Variants in PPP3R1 observed in about 807,000 individuals in gnomAD.
The protein encoded by PPP3R1 is calcineurin subunit B type 1.
In PPP3R1, 5 loss-of-function variants were observed where a neutral mutation model predicts 22.6. That is an observed-to-expected ratio of 0.22 (90% CI 0.12 to 0.46). The LOEUF (loss-of-function observed/expected upper bound fraction) is 0.46. Among genes scored for constraint, PPP3R1 ranks in the 20% least tolerant of loss-of-function variants. The probability of loss-of-function intolerance (pLI) is 0.99; values close to 1 mark genes in which losing one functional copy is unlikely to be tolerated. For missense variants in PPP3R1, 61 were observed against 203.2 expected, an observed-to-expected ratio of 0.30 and a Z score of 4.25; for synonymous variants, 56 against 65.2, an observed-to-expected ratio of 0.86 and a Z score of 0.68.
chr2:68,244,604 T>C (rs1190081279), intron 1 of PPP3R1, among the ~76,000 whole-genome samples: 1 of 152,202 alleles, frequency 6.6e-6, no homozygotes, highest in African/African-American at 2.4e-5. Context: ...TTTTAACTTT[T>C]CTAGAGCTCA....
intron 2 of PPP3R1, among the ~76,000 whole-genome samples, chr2:68,191,287 T>C (rs951127873): frequency 6.6e-6 from 1 of 152,216 alleles, no homozygotes; most frequent in Non-Finnish European, 1.5e-5. Flanking sequence ...CTATTGCTCC[T>C]AGGCTACAAA....
At chr2:68,246,067 C>CTTTTTTTTT (rs746584723) in intron 1 of PPP3R1, among the ~76,000 whole-genome samples, 27 of 73,812 alleles carry the variant, frequency 3.7e-4, no homozygotes, top group East Asian at 8.4e-4. Context: ...TTCTTTCTTT[C>CTTTTTTTTT]TTTTTTTTTT....
intron 2 of PPP3R1, among the ~76,000 whole-genome samples, chr2:68,210,465 G>A (rs1294505819): frequency 6.6e-6 from 1 of 151,980 alleles, no homozygotes; most frequent in African/African-American, 2.4e-5. Context: ...TTTATTTTAC[G>A]CAACCATAAA....
At chr2:68,209,853 C>G (rs533459738) in intron 2 of PPP3R1, among the ~76,000 whole-genome samples, 1 of 152,060 alleles carries the variant, frequency 6.6e-6, no homozygotes, top group South Asian at 2.1e-4. Flanking sequence ...CTTATTAATA[C>G]CTGAGAGTTG....
intron 2 of PPP3R1, among the ~76,000 whole-genome samples, chr2:68,203,842 G>A (rs1304998184): frequency 1.3e-5 from 2 of 152,224 alleles, no homozygotes; most frequent in African/African-American, 4.8e-5. Context: ...CTAACGGCTA[G>A]AAGGGTTTCT....
chr2:68,200,584 T>G (rs1183942094), intron 2 of PPP3R1, among the ~76,000 whole-genome samples: 1 of 152,186 alleles, frequency 6.6e-6, no homozygotes, highest in African/African-American at 2.4e-5. Flanking sequence ...AGGAGTGAGG[T>G]AAGCTGCTCG....
chr2:68,210,691 C>A (rs1308695115), intron 2 of PPP3R1, among the ~76,000 whole-genome samples: 1 of 152,020 alleles, frequency 6.6e-6, no homozygotes, highest in Non-Finnish European at 1.5e-5. Flanking sequence ...TGTTAGGAGG[C>A]TAAAAAATGA....
rs181884608 is a variant in PPP3R1, at chr2:68,247,227, G to A, written c.3+4898C>T. ...CTCGGCCTCCCAAAGTGCTTGGATT[G>A]TAGGGATGAGCCACTGTGCCTAGCC... On this transcript the variant is annotated intron_variant, in intron 1 of 5. Coordinates refer to ENST00000234310, the MANE Select transcript of PPP3R1 (RefSeq NM_000945.4). Among the ~76,000 whole-genome samples, 266 of 152,236 alleles carry A rather than the reference G, an allele frequency of 1.7e-3. 1 individual carries two copies. Among genetic ancestry groups the A allele is most frequent in the South Asian group, 8.3e-3 (40 of 4,826 alleles).
rs2103825603 is a variant in PPP3R1 at position 68,252,194 on chromosome 2, G to A, written c.-67C>T. The A allele has an allele frequency of 5.5e-6, 7 of 1,282,446 alleles. No homozygotes were observed. Among genetic ancestry groups the A allele is most frequent in the East Asian group, 3.9e-5 (1 of 25,666 alleles). The allele number at this position is 1,282,446 out of a possible 1,614,324, so 79.4% of individuals were successfully genotyped here. On this transcript the variant is annotated 5_prime_UTR_variant, in exon 1 of 6. Transcript: ENST00000234310. ...AGAAGTGTTGCGCTCAGGCTGGCTC[G>A]CAGGAAACGGCGGCGGCGGCCCAGC...
intron 1 of PPP3R1, among the ~76,000 whole-genome samples, chr2:68,221,298 C>T (rs576891831): frequency 6.6e-6 from 1 of 150,966 alleles, no homozygotes; most frequent in East Asian, 1.9e-4. Context: ...CCACTGCACT[C>T]CAGCCTGGGC....
At position 68,221,317 on chromosome 2, in the gene PPP3R1, G is replaced by A. The variant is rs187923640; in HGVS notation, c.4-4186C>T. Reference sequence around the variant, plus strand: ...TGCACTCCAGCCTGGGCAACAGAGCGAGACTCCACCTCAAAAATAAAAACA... The same window carrying A: ...TGCACTCCAGCCTGGGCAACAGAGCAAGACTCCACCTCAAAAATAAAAACA... On this transcript the variant is annotated intron_variant, in intron 1 of 5. Transcript: ENST00000234310. Among the ~76,000 whole-genome samples, 109 of 148,038 alleles carry A rather than the reference G, an allele frequency of 7.4e-4. 2 individuals are homozygous for A. The highest frequency in any genetic ancestry group is 2.5e-3 in the African/African-American group (97 of 39,020).
intron 1 of PPP3R1, chr2:68,250,983 T>C (rs1670337205): frequency 6.6e-6 from 1 of 152,192 alleles, no homozygotes; most frequent in Non-Finnish European, 1.5e-5. Flanking sequence ...ATGCGAGAAA[T>C]TACCCACCGT....
intron 2 of PPP3R1, among the ~76,000 whole-genome samples, chr2:68,206,931 G>A (rs1029971985): frequency 6.6e-6 from 1 of 152,140 alleles, no homozygotes; most frequent in Non-Finnish European, 1.5e-5. Context: ...GACAAACAGA[G>A]AACACTGGCT....
At chr2:68,246,425 T>C (rs191983744) in intron 1 of PPP3R1, among the ~76,000 whole-genome samples, 57 of 152,192 alleles carry the variant, frequency 3.7e-4, no homozygotes, top group African/African-American at 1.3e-3. Context: ...CTAAATTCTC[T>C]AGCTTTCACC....
intron 1 of PPP3R1, among the ~76,000 whole-genome samples, chr2:68,235,207 G>A (rs934130096): frequency 5.3e-5 from 8 of 152,130 alleles, no homozygotes; most frequent in East Asian, 3.8e-4. Flanking sequence ...TTTTATTACC[G>A]CTTTATTGAA....
chr2:68,216,166 G>C (rs1436888936), intron 2 of PPP3R1, among the ~76,000 whole-genome samples: 1 of 151,994 alleles, frequency 6.6e-6, no homozygotes, highest in Non-Finnish European at 1.5e-5. Context: ...TAAGTGACCA[G>C]ACCACTGGTC....
At chr2:68,236,691 T>G (rs950994206) in intron 1 of PPP3R1, among the ~76,000 whole-genome samples, 1 of 152,144 alleles carries the variant, frequency 6.6e-6, no homozygotes, top group African/African-American at 2.4e-5. Context: ...TCAGAGTACC[T>G]AATAAAATAC....
intron 1 of PPP3R1, among the ~76,000 whole-genome samples, chr2:68,225,836 G>C (rs1485694229): frequency 6.6e-6 from 1 of 152,176 alleles, no homozygotes; most frequent in Non-Finnish European, 1.5e-5. Context: ...GACTCTTAGT[G>C]TAACCAGAAA....
chr2:68,200,788 T>C (rs1674959453), intron 2 of PPP3R1, among the ~76,000 whole-genome samples: 1 of 152,210 alleles, frequency 6.6e-6, no homozygotes, highest in East Asian at 1.9e-4. Flanking sequence ...TCTAGATTGA[T>C]AAAAATCAGA....
Sources: allele counts gnomAD v4.1 joint callset (sites outside exome capture counted in the v4.1 genomes callset), GRCh38; gene constraint gnomAD v4.1.1; transcripts MANE v1.5; gene names NCBI Gene and HGNC (gene_info 2026-07-23, HGNC 2026-07-21).